The following GDPD4 variants were observed in gnomAD, a reference collection of about 807,000 sequenced individuals.
GDPD4 encodes the protein glycerophosphodiester phosphodiesterase 6.
Under a neutral mutation model 67.8 loss-of-function variants are expected in GDPD4, and 60 were observed. The ratio of observed to expected loss-of-function variants is 0.88; its 90% CI spans 0.72 to 1.10. The LOEUF (loss-of-function observed/expected upper bound fraction) is 1.10, where lower values mean the gene tolerates loss of function less well. Ranked by LOEUF, GDPD4 falls within the 50% of genes least tolerant of loss-of-function variation. The pLI is 0.00. For synonymous variants in GDPD4, 212 were observed against 210.9 expected (o/e 1.00, Z -0.04); for missense variants, 623 against 613.9 (o/e 1.01, Z -0.16).
At chr11:77,268,882 C>G (rs199869008) in intron 9 of GDPD4, 42 bp downstream of exon 9, 1 of 1,597,980 alleles carries the variant, frequency 6.3e-7, no homozygotes, top group Non-Finnish European at 8.5e-7. Flanking sequence ...ACATACCCCA[C>G]ACATACTTAT....
intron 13 of GDPD4, among the ~76,000 whole-genome samples, chr11:77,234,165 T>C (rs1958507199): frequency 6.6e-6 from 1 of 152,166 alleles, no homozygotes; most frequent in South Asian, 2.1e-4. Context: ...GGCCTCAGTA[T>C]AGAAACTGTA....
chr11:77,260,046 C>T (rs914942746), intron 10 of GDPD4, among the ~76,000 whole-genome samples: 2 of 152,074 alleles, frequency 1.3e-5, no homozygotes, highest in East Asian at 3.9e-4. Context: ...ATTGGCCAGG[C>T]GCGGTGGCTC....
chr11:77,240,734 A>G (rs1452915162), intron 13 of GDPD4, among the ~76,000 whole-genome samples: 3 of 152,152 alleles, frequency 2.0e-5, no homozygotes, highest in African/African-American at 7.2e-5. Flanking sequence ...TAGCAAAAAA[A>G]CAAATAACCC....
chr11:77,267,818 C>T (rs1276122656), intron 10 of GDPD4, among the ~76,000 whole-genome samples: 2 of 152,006 alleles, frequency 1.3e-5, no homozygotes, highest in East Asian at 1.9e-4. Context: ...AGAATGAATT[C>T]CCTGGAATTT....
intron 1 of GDPD4, among the ~76,000 whole-genome samples, chr11:77,296,817 T>G (rs1937982433): frequency 6.6e-6 from 1 of 151,324 alleles, no homozygotes; most frequent in Non-Finnish European, 1.5e-5. Flanking sequence ...CCTAGCACTT[T>G]GGGAGGCCGA....
intron 11 of GDPD4, among the ~76,000 whole-genome samples, chr11:77,257,552 T>TACAC (rs71043563): frequency 0.09 from 12,061 of 134,144 alleles, 616 homozygotes; most frequent in Non-Finnish European, 0.13. Context: ...CTCCCTCTCC[T>TACAC]ACACACACAC....
chr11:77,227,978 G>T (rs1021810506), intron 15 of GDPD4, 62 bp from the exon 16 acceptor site: 1 of 1,099,548 alleles, frequency 9.1e-7, no homozygotes, highest in Non-Finnish European at 1.4e-6. Context: ...CTCTTCTAAC[G>T]TTCCTCCTCC....
chr11:77,251,188 T>C (rs1046731469), intron 11 of GDPD4, among the ~76,000 whole-genome samples: 44 of 152,212 alleles, frequency 2.9e-4, no homozygotes, highest in African/African-American at 9.9e-4. Flanking sequence ...TTGTTAATTG[T>C]ATTATGTTTG....
chr11:77,270,649 T>C (rs1417719177), intron 7 of GDPD4, among the ~76,000 whole-genome samples: 2 of 152,010 alleles, frequency 1.3e-5, no homozygotes, highest in African/African-American at 4.8e-5. Context: ...GCGGAGGTTG[T>C]AGTGAGCCGA....
intron 13 of GDPD4, among the ~76,000 whole-genome samples, chr11:77,241,520 C>T (rs2135840552): frequency 6.6e-6 from 1 of 151,848 alleles, no homozygotes; most frequent in East Asian, 1.9e-4. Flanking sequence ...TGCCTGTAGT[C>T]CCAGCTACTT....
intron 12 of GDPD4, 30 bp from the exon 13 acceptor site, chr11:77,243,878 A>T: frequency 6.4e-7 from 1 of 1,574,278 alleles, no homozygotes; most frequent in Non-Finnish European, 8.7e-7. Flanking sequence ...GTCCCTCAGT[A>T]GATAATCAGC....
chr11:77,225,758 T>A (rs1958321329), intron 16 of GDPD4, among the ~76,000 whole-genome samples: 1 of 152,104 alleles, frequency 6.6e-6, no homozygotes, highest in African/African-American at 2.4e-5. Context: ...CATCAGTAGG[T>A]GCAGCAGTAC....
intron 3 of GDPD4, among the ~76,000 whole-genome samples, chr11:77,284,793 A>C (rs1959923050): frequency 6.6e-6 from 1 of 152,194 alleles, no homozygotes; most frequent in Non-Finnish European, 1.5e-5. Context: ...ATACCAGGGA[A>C]TCATTATCTG....
intron 13 of GDPD4, among the ~76,000 whole-genome samples, chr11:77,234,708 T>C (rs1158767186): frequency 6.6e-6 from 1 of 152,248 alleles, no homozygotes; most frequent in Non-Finnish European, 1.5e-5. Flanking sequence ...TAGTATTCCA[T>C]GGTGTATATG....
chr11:77,226,871 T>TA, intron 16 of GDPD4, among the ~76,000 whole-genome samples: 1 of 152,354 alleles, frequency 6.6e-6, no homozygotes, highest in Non-Finnish European at 1.5e-5. Flanking sequence ...TTCAAATTTC[T>TA]AAACTTAGTT....
chr11:77,225,422 A>ATTTCTTC lies in GDPD4; in HGVS notation c.1525+2441_1525+2442insGAAGAAA, dbSNP rs1189029545. 3.1e-4 allele frequency among the ~76,000 whole-genome samples: 47 copies of ATTTCTTC among 152,272 alleles called. No individual in the cohort carries two copies. In the East Asian group the frequency reaches 6.4e-3, roughly 21 times the overall value. On this transcript the variant is annotated intron_variant, in intron 16 of 16. Coordinates refer to ENST00000315938, the MANE Select transcript of GDPD4 (RefSeq NM_182833.3). Reference sequence around the variant, plus strand: ...AAAAATATTTGAAGAAATAAAGACTAAAATTATGTCCAATTTGATGAAAAT... The same window carrying ATTTCTTC: ...AAAAATATTTGAAGAAATAAAGACTATTTCTTCAAATTATGTCCAATTTGATGAAAAT...
intron 1 of GDPD4, among the ~76,000 whole-genome samples, chr11:77,297,526 A>G (rs904643120): frequency 7.7e-5 from 11 of 143,706 alleles, no homozygotes; most frequent in Admixed American, 2.2e-4. Flanking sequence ...ACAGAGCGAG[A>G]CTCCGTCTCA....
intron 11 of GDPD4, among the ~76,000 whole-genome samples, chr11:77,250,137 T>G (rs1426274487): frequency 6.6e-6 from 1 of 152,206 alleles, no homozygotes. Context: ...ATGTGCCGGT[T>G]TGTTACCTGG....
At chr11:77,227,054 A>G (rs1958354974) in intron 16 of GDPD4, among the ~76,000 whole-genome samples, 1 of 152,184 alleles carries the variant, frequency 6.6e-6, no homozygotes, top group Non-Finnish European at 1.5e-5. Context: ...GAGTTGCGGA[A>G]GGAAATTATA....
Sources: gnomAD v4.1 joint callset for allele counts (sites outside exome capture counted in the v4.1 genomes callset) on GRCh38, gnomAD v4.1.1 for gene constraint, MANE v1.5 for transcripts, NCBI Gene and HGNC (gene_info 2026-07-23, HGNC 2026-07-21) for gene names.